The following ZNF251 variants were observed in gnomAD, a reference collection of about 807,000 sequenced individuals.
ZNF251 encodes the protein zinc finger protein 251.
In ZNF251, 14 loss-of-function variants were observed where a neutral mutation model predicts 13.5. The ratio of observed to expected loss-of-function variants is 1.04; its 90% CI spans 0.69 to 1.63. The LOEUF (loss-of-function observed/expected upper bound fraction) is 1.63. ZNF251 is among the 40% of genes most tolerant of loss of function. The pLI is 0.00. For synonymous variants in ZNF251, 287 were observed against 295.2 expected (o/e 0.97, Z 0.28); for missense variants, 764 against 834.9 (o/e 0.92, Z 1.05).
At chr8:144,732,568 T>TC (rs1227175861) in intron 4 of ZNF251, among the ~76,000 whole-genome samples, 1 of 152,006 alleles carries the variant, frequency 6.6e-6, no homozygotes, top group African/African-American at 2.4e-5. Context: ...ATCCCAGCAC[T>TC]TGGGGAGGCC....
intron 4 of ZNF251, among the ~76,000 whole-genome samples, chr8:144,729,142 G>A (rs1325000267): frequency 6.8e-6 from 1 of 147,974 alleles, no homozygotes; most frequent in Non-Finnish European, 1.5e-5. Flanking sequence ...ACAAAGTGAA[G>A]TGGAATAAAA....
chr8:144,724,475 T>C (rs1255265611), intron 4 of ZNF251, among the ~76,000 whole-genome samples: 4 of 151,956 alleles, frequency 2.6e-5, no homozygotes, highest in African/African-American at 9.7e-5. Flanking sequence ...GGACTACAGG[T>C]GCAGGCCACT....
chr8:144,725,225 G>C (rs927183823), intron 4 of ZNF251, among the ~76,000 whole-genome samples: 2 of 152,324 alleles, frequency 1.3e-5, no homozygotes, highest in African/African-American at 4.8e-5. Context: ...GTGTTGCCTA[G>C]GCTGGTTGCA....
intron 4 of ZNF251, 105 bp from the exon 5 acceptor site, chr8:144,723,487 G>T: frequency 3.9e-6 from 3 of 760,464 alleles, no homozygotes; most frequent in Non-Finnish European, 5.5e-6. Context: ...GAAGGCAGAT[G>T]CTCCAATAGG....
chr8:144,748,356 G>A (rs577360937), intron 4 of ZNF251, among the ~76,000 whole-genome samples: 13 of 152,224 alleles, frequency 8.5e-5, no homozygotes, highest in African/African-American at 3.1e-4. Flanking sequence ...ACAGGTGTTA[G>A]CCACTGTGCC....
chr8:144,740,962 A>C (rs900332361), intron 4 of ZNF251, among the ~76,000 whole-genome samples: 2 of 152,062 alleles, frequency 1.3e-5, no homozygotes, highest in South Asian at 4.1e-4. Context: ...AACAAAAAAA[A>C]ACCCCCAAAA....
intron 4 of ZNF251, among the ~76,000 whole-genome samples, chr8:144,750,677 C>T (rs1010209037): frequency 6.6e-6 from 1 of 152,134 alleles, no homozygotes; most frequent in Non-Finnish European, 1.5e-5. Flanking sequence ...ATGGGGTCCT[C>T]CCATGACCGG....
At chr8:144,741,363 TAC>T in intron 4 of ZNF251, among the ~76,000 whole-genome samples, 1 of 152,150 alleles carries the variant, frequency 6.6e-6, no homozygotes, top group South Asian at 2.1e-4. Flanking sequence ...CACACACTCA[TAC>T]ACACACTCAC....
chr8:144,731,927 A>G (rs2129957268), intron 4 of ZNF251, among the ~76,000 whole-genome samples: 1 of 149,016 alleles, frequency 6.7e-6, no homozygotes, highest in East Asian at 2.0e-4. Context: ...AATTCAATAA[A>G]GGACATGTCC....
At chr8:144,728,278 G>C (rs61690329) in intron 4 of ZNF251, among the ~76,000 whole-genome samples, 3 of 151,986 alleles carry the variant, frequency 2.0e-5, no homozygotes, top group African/African-American at 7.3e-5. Context: ...TAAGCTCACC[G>C]TCTCATACAG....
chr8:144,732,018 C>G (rs1563758221), intron 4 of ZNF251, among the ~76,000 whole-genome samples: 1 of 151,400 alleles, frequency 6.6e-6, no homozygotes, highest in Non-Finnish European at 1.5e-5. Context: ...TCTCAACTCA[C>G]TGCAACCTCT....
chr8:144,739,617 G>A (rs1016868969), intron 4 of ZNF251, among the ~76,000 whole-genome samples: 3 of 152,182 alleles, frequency 2.0e-5, no homozygotes, highest in South Asian at 2.1e-4. Context: ...CACTGTGCCC[G>A]GAAACCTCAT....
intron 4 of ZNF251, among the ~76,000 whole-genome samples, chr8:144,740,762 C>T (rs1283462511): frequency 1.3e-5 from 2 of 150,294 alleles, no homozygotes; most frequent in African/African-American, 4.9e-5. Flanking sequence ...GGTGAAACCC[C>T]ATCTCTACTA....
At chr8:144,729,398 G>T (rs62531472) in intron 4 of ZNF251, among the ~76,000 whole-genome samples, 9 of 148,710 alleles carry the variant, frequency 6.1e-5, no homozygotes, top group African/African-American at 2.0e-4. Flanking sequence ...GTGCAGTGGC[G>T]CAATCTCGGC....
At position 144,723,352 on chromosome 8, in the gene ZNF251, G is replaced by A; in HGVS notation, c.308C>T (p.Ser103Phe). 6.6e-7 allele frequency: 1 copy of A among 1,518,494 alleles called. No homozygotes were observed. The highest frequency in any genetic ancestry group is 8.8e-7 in the Non-Finnish European group (1 of 1,135,920). 94.1% of individuals were successfully genotyped at this position (1,518,494 alleles called of 1,614,324 possible). ...TTCGGAAAATTTTTGGTTTAAAATA[G>A]ATAGTTCCTTCTTGGTCCCAACCTC... is the stretch of plus-strand genomic sequence containing the variant. Reference protein sequence around the residue: ...DSEVGTKKELSILNQKFSEEV... With the variant: ...DSEVGTKKELFILNQKFSEEV... The change falls in exon 5 of 5, where the codon TCT (serine) becomes TTT (phenylalanine). Residue 103 changes from serine (S) to phenylalanine (F), a missense_variant. Physicochemically the swap from Ser to Phe is radical, Grantham distance 155 (BLOSUM62 -2). Coordinates refer to ENST00000292562, the MANE Select transcript of ZNF251 (RefSeq NM_138367.2).
At chr8:144,752,428 T>C (rs1000488759) in intron 4 of ZNF251, among the ~76,000 whole-genome samples, 11 of 152,188 alleles carry the variant, frequency 7.2e-5, no homozygotes, top group Admixed American at 5.9e-4. Flanking sequence ...TTAATGCATG[T>C]CCAAATAATC....
At chr8:144,739,904 A>AG (rs1383742810) in intron 4 of ZNF251, among the ~76,000 whole-genome samples, 1 of 152,082 alleles carries the variant, frequency 6.6e-6, no homozygotes, top group East Asian at 1.9e-4. Flanking sequence ...CAAAAAAAAA[A>AG]AAAGCATTTC....
rs982445888 is a variant in ZNF251, at chr8:144,735,170, G to A, written c.278-11788C>T. Among the ~76,000 whole-genome samples the A allele has an allele frequency of 6.6e-5, 10 of 152,194 alleles. No individual in the cohort carries two copies. In the South Asian group the frequency reaches 2.1e-3, roughly 32 times the overall value. On this transcript the variant is annotated intron_variant, in intron 4 of 4. Coordinates refer to ENST00000292562, the MANE Select transcript of ZNF251 (RefSeq NM_138367.2). ...GGAGGCTGAGGAGGGTAGATCATCT[G>A]AAGTCAGGAGTTCGAGACCATCCTA... is the stretch of plus-strand genomic sequence containing the variant.
chr8:144,742,521 G>A (rs185964865), intron 4 of ZNF251, among the ~76,000 whole-genome samples: 14 of 143,490 alleles, frequency 9.8e-5, no homozygotes, highest in South Asian at 2.2e-4. Context: ...TGATAACAGC[G>A]TCACAATGAA....
Sources: gnomAD v4.1 joint callset for allele counts (sites outside exome capture counted in the v4.1 genomes callset) on GRCh38, gnomAD v4.1.1 for gene constraint, MANE v1.5 for transcripts, NCBI Gene and HGNC (gene_info 2026-07-23, HGNC 2026-07-21) for gene names.